COL8A1: variants seen among roughly 807,000 people sequenced by gnomAD.
COL8A1 encodes the protein collagen type VIII alpha 1 chain.
A neutral mutation model predicts 42.7 loss-of-function variants in COL8A1; 21 were observed. The observed-to-expected ratio is 0.49, with a 90% CI of 0.35 to 0.71. The LOEUF (loss-of-function observed/expected upper bound fraction) is 0.71, where lower values mean the gene tolerates loss of function less well. Ranked by LOEUF, COL8A1 falls within the 30% of genes least tolerant of loss-of-function variation. The pLI, the probability that COL8A1 is intolerant of heterozygous loss-of-function variation, is 0.01. For missense variants in COL8A1, 788 were observed against 962.4 expected (o/e 0.82, Z 2.40); for synonymous variants, 367 against 369.1 (o/e 0.99, Z 0.06).
intron 1 of COL8A1, among the ~76,000 whole-genome samples, chr3:99,664,898 A>C (rs1264012389): frequency 6.6e-6 from 1 of 152,142 alleles, no homozygotes; most frequent in East Asian, 1.9e-4. Flanking sequence ...GAAGGGGAGG[A>C]GTGCGCCTCT....
chr3:99,758,978 G>T (rs140853533), intron 2 of COL8A1, among the ~76,000 whole-genome samples: 1 of 152,124 alleles, frequency 6.6e-6, no homozygotes, highest in East Asian at 1.9e-4. Flanking sequence ...TGAACACTCT[G>T]CCTGTACACT....
chr3:99,707,824 T>C (rs989160795), intron 1 of COL8A1, among the ~76,000 whole-genome samples: 6 of 152,226 alleles, frequency 3.9e-5, no homozygotes, highest in Admixed American at 1.3e-4. Context: ...TTGAGCACTA[T>C]GTGCAGATAC....
At chr3:99,713,982 C>T (rs1288834363) in intron 1 of COL8A1, among the ~76,000 whole-genome samples, 2 of 152,034 alleles carry the variant, frequency 1.3e-5, no homozygotes, top group Non-Finnish European at 2.9e-5. Flanking sequence ...GAGAAAAAGA[C>T]ATTATGGTTG....
intron 1 of COL8A1, among the ~76,000 whole-genome samples, chr3:99,686,673 C>T (rs1278128068): frequency 6.6e-6 from 1 of 152,116 alleles, no homozygotes; most frequent in Admixed American, 6.5e-5. Context: ...AGCTCTATAA[C>T]TGCTCATCTC....
intron 1 of COL8A1, among the ~76,000 whole-genome samples, chr3:99,650,654 G>A (rs1327438112): frequency 2.0e-5 from 3 of 152,004 alleles, no homozygotes; most frequent in African/African-American, 4.8e-5. Context: ...AGATAGTCTC[G>A]AACTCCTGAG....
intron 1 of COL8A1, among the ~76,000 whole-genome samples, chr3:99,740,634 T>A (rs1306192968): frequency 6.6e-6 from 1 of 152,138 alleles, no homozygotes. Context: ...TCCCACTGGG[T>A]ACCTCCCACA....
At chr3:99,724,133 T>C (rs1940235562) in intron 1 of COL8A1, among the ~76,000 whole-genome samples, 1 of 152,116 alleles carries the variant, frequency 6.6e-6, no homozygotes, top group Non-Finnish European at 1.5e-5. Flanking sequence ...GTTTCTGACA[T>C]GACTGGATGC....
At chr3:99,775,085 C>T (rs2107442051) in intron 2 of COL8A1, among the ~76,000 whole-genome samples, 1 of 152,300 alleles carries the variant, frequency 6.6e-6, no homozygotes, top group Admixed American at 6.5e-5. Context: ...GAAAGACAGA[C>T]ACCACAAGAG....
rs184954366 is a variant in COL8A1, at chr3:99,729,203, C to T, written c.-128-15694C>T. ...CTTAAATTATAGTATGAGGGCCTAA[C>T]TTTAGCTTCCAACTATGGAAGCTTC... On this transcript the variant is annotated intron_variant, in intron 1 of 3. Coordinates refer to ENST00000652472, the MANE Select transcript of COL8A1 (RefSeq NM_020351.4). Among the ~76,000 whole-genome samples, 18 of 152,142 alleles carry T rather than the reference C, an allele frequency of 1.2e-4. No individual in the cohort carries two copies. The East Asian group carries it at 3.3e-3, about 28-fold the overall frequency.
intron 2 of COL8A1, among the ~76,000 whole-genome samples, chr3:99,762,721 G>C (rs1941387655): frequency 6.6e-6 from 1 of 152,222 alleles, no homozygotes; most frequent in African/African-American, 2.4e-5. Flanking sequence ...CTGAACAAAA[G>C]CCTGTGCAGA....
intron 2 of COL8A1, among the ~76,000 whole-genome samples, chr3:99,768,994 A>G (rs186865381): frequency 1.9e-3 from 297 of 152,350 alleles, no homozygotes; most frequent in Non-Finnish European, 3.4e-3. Flanking sequence ...AATGAATCAT[A>G]CAGGAAAGGA....
intron 2 of COL8A1, among the ~76,000 whole-genome samples, chr3:99,780,094 C>CT (rs995163304): frequency 3.3e-5 from 5 of 152,114 alleles, no homozygotes; most frequent in South Asian, 2.1e-4. Flanking sequence ...CCCCTGTTTT[C>CT]TTTTTTTTAA....
intron 2 of COL8A1, among the ~76,000 whole-genome samples, chr3:99,747,586 A>G (rs1941054600): frequency 2.0e-5 from 3 of 152,354 alleles, no homozygotes; most frequent in African/African-American, 7.2e-5. Flanking sequence ...TGGGGAAACC[A>G]CAGTTCATTT....
intron 1 of COL8A1, among the ~76,000 whole-genome samples, chr3:99,685,945 A>T (rs1406663384): frequency 6.6e-6 from 1 of 152,222 alleles, no homozygotes; most frequent in African/African-American, 2.4e-5. Context: ...TCAATATTAC[A>T]TAAAATACTT....
intron 1 of COL8A1, among the ~76,000 whole-genome samples, chr3:99,700,104 G>A (rs1158650672): frequency 6.6e-6 from 1 of 152,098 alleles, no homozygotes; most frequent in African/African-American, 2.4e-5. Context: ...TAACCCCCAA[G>A]TAATATAGAA....
chr3:99,740,712 A>C (rs990876896), intron 1 of COL8A1, among the ~76,000 whole-genome samples: 6 of 152,200 alleles, frequency 3.9e-5, no homozygotes, highest in Non-Finnish European at 7.3e-5. Context: ...AAACCATATC[A>C]CCAGGAAAAG....
At chr3:99,695,149 T>C (rs1393370705) in intron 1 of COL8A1, among the ~76,000 whole-genome samples, 4 of 152,150 alleles carry the variant, frequency 2.6e-5, no homozygotes, top group African/African-American at 9.7e-5. Context: ...AAAAGTAAAA[T>C]GAAACAGGTT....
chr3:99,688,580 C>A (rs1261145401), intron 1 of COL8A1, among the ~76,000 whole-genome samples: 2 of 152,172 alleles, frequency 1.3e-5, no homozygotes, highest in Admixed American at 1.3e-4. Flanking sequence ...GCAAAGTCCC[C>A]TTTGCCATGG....
At chr3:99,738,426 T>C (rs1263521965) in intron 1 of COL8A1, among the ~76,000 whole-genome samples, 4 of 152,206 alleles carry the variant, frequency 2.6e-5, no homozygotes, top group African/African-American at 7.2e-5. Flanking sequence ...TTTCTGTTTG[T>C]TAGTTTTCCT....
Sources: gnomAD v4.1 joint callset for allele counts (sites outside exome capture counted in the v4.1 genomes callset) on GRCh38, gnomAD v4.1.1 for gene constraint, MANE v1.5 for transcripts, NCBI Gene and HGNC (gene_info 2026-07-23, HGNC 2026-07-21) for gene names.